The following CHD7 variants were observed in gnomAD, a reference collection of about 807,000 sequenced individuals.
CHD7 encodes ATP-dependent chromatin remodeler CHD7.
A neutral mutation model predicts 307.3 loss-of-function variants in CHD7; 24 were observed. The observed-to-expected ratio is 0.08, with a 90% CI of 0.06 to 0.11. The LOEUF is 0.11. CHD7 is among the 10% of genes least tolerant of loss of function. The pLI is 1.00. For synonymous variants in CHD7, 1,363 were observed against 1,349.9 expected (o/e 1.01, Z -0.21); for missense variants, 3,106 against 3,727.1 (o/e 0.83, Z 4.34).
At chr8:60,838,536 G>T (rs1167136758) in intron 19 of CHD7, among the ~76,000 whole-genome samples, 1 of 152,090 alleles carries the variant, frequency 6.6e-6, no homozygotes, top group Non-Finnish European at 1.5e-5. Flanking sequence ...CTCCACTTCT[G>T]AGATCCTGCT....
intron 7 of CHD7, 115 bp from the exon 8 acceptor site, chr8:60,816,272 A>G (rs1472477633): frequency 1.6e-5 from 10 of 642,322 alleles, no homozygotes; most frequent in Admixed American, 9.2e-5. Context: ...AGCAGCCTTA[A>G]TGGGTAATTA....
chr8:60,704,003 A>G (rs1440109074), intron 1 of CHD7, among the ~76,000 whole-genome samples: 1 of 151,762 alleles, frequency 6.6e-6, no homozygotes, highest in African/African-American at 2.4e-5. Context: ...GCCCAGCTCC[A>G]CTTGTGCCAT....
chr8:60,841,250 C>T (rs945336613), intron 19 of CHD7, among the ~76,000 whole-genome samples: 4 of 152,264 alleles, frequency 2.6e-5, no homozygotes, highest in Non-Finnish European at 5.9e-5. Flanking sequence ...TGCCTTGGCA[C>T]ATGCTCTGCT....
intron 19 of CHD7, among the ~76,000 whole-genome samples, chr8:60,841,305 T>A (rs183155909): frequency 1.3e-5 from 2 of 152,374 alleles, no homozygotes; most frequent in African/African-American, 4.8e-5. Context: ...TGTTTTAGAA[T>A]GGTTCAGGCA....
At chr8:60,715,194 G>A (rs1807528976) in intron 1 of CHD7, among the ~76,000 whole-genome samples, 1 of 152,170 alleles carries the variant, frequency 6.6e-6, no homozygotes, top group South Asian at 2.1e-4. Flanking sequence ...TAACAGCTTT[G>A]GGCTAAACTT....
At chr8:60,697,878 C>T (rs963459611) in intron 1 of CHD7, among the ~76,000 whole-genome samples, 2 of 152,208 alleles carry the variant, frequency 1.3e-5, no homozygotes, top group East Asian at 1.9e-4. Context: ...GTGCACAGCA[C>T]GTAGAGTACA....
intron 3 of CHD7, among the ~76,000 whole-genome samples, chr8:60,783,316 C>A (rs1008014386): frequency 6.6e-6 from 1 of 152,136 alleles, no homozygotes; most frequent in Non-Finnish European, 1.5e-5. Flanking sequence ...TTAAAATTTT[C>A]CCAACAACTG....
At chr8:60,730,300 TGTTAA>T (rs1808376228) in intron 1 of CHD7, among the ~76,000 whole-genome samples, 2 of 152,160 alleles carry the variant, frequency 1.3e-5, no homozygotes, top group Non-Finnish European at 1.5e-5. Flanking sequence ...TGTAGGAAGA[TGTTAA>T]GTTAAATATA....
chr8:60,862,504 G>C, intron 36 of CHD7, 44 bp from the exon 37 acceptor site: 4 of 1,521,888 alleles, frequency 2.6e-6, no homozygotes, highest in Non-Finnish European at 3.6e-6. Context: ...AGAAAGGGGA[G>C]GGAAGACTGT....
chr8:60,762,644 G>A (rs1006761175), intron 2 of CHD7, among the ~76,000 whole-genome samples: 2 of 152,142 alleles, frequency 1.3e-5, no homozygotes, highest in African/African-American at 4.8e-5. Context: ...TACTGCTATC[G>A]ATGCCACATT....
chr8:60,769,521 AG>A (rs1218728238), intron 2 of CHD7, among the ~76,000 whole-genome samples: 1 of 152,210 alleles, frequency 6.6e-6, no homozygotes, highest in East Asian at 1.9e-4. Context: ...GTTTAAAGTT[AG>A]TTAGGTTTTA....
rs2150809564 is a variant in CHD7, at chr8:60,852,885, A to G, written c.6160A>G (p.Thr2054Ala). 6.2e-7 allele frequency: 1 copy of G among 1,613,908 alleles called. No homozygotes were observed. Among genetic ancestry groups the G allele is most frequent in the Non-Finnish European group, 8.5e-7 (1 of 1,179,866 alleles). Residue 2054 changes from threonine to alanine, a missense_variant, in exon 31 of 38, where the codon ACT becomes GCT. Coordinates refer to ENST00000423902, the MANE Select transcript of CHD7 (RefSeq NM_017780.4). ...EPITEERASR[T>A]LYRIELLRKI... is the part of the protein sequence containing the mutation. ...GATCACAGAGGAGCGAGCCTCTCGA[A>G]CTCTGTACCGCATTGAGCTGCTACG... is the stretch of plus-strand genomic sequence containing the variant.
chr8:60,811,050 A>G (rs2150729648), intron 7 of CHD7, among the ~76,000 whole-genome samples: 1 of 152,304 alleles, frequency 6.6e-6, no homozygotes, highest in South Asian at 2.1e-4. Context: ...TCTGAGGTGC[A>G]ACCGTTTCAT....
intron 2 of CHD7, among the ~76,000 whole-genome samples, chr8:60,744,211 G>A (rs1311035894): frequency 1.3e-5 from 2 of 152,168 alleles, no homozygotes; most frequent in East Asian, 3.8e-4. Context: ...GGAATAGGTT[G>A]GAAAGTATCA....
At chr8:60,694,930 A>T (rs1395422024) in intron 1 of CHD7, among the ~76,000 whole-genome samples, 2 of 152,176 alleles carry the variant, frequency 1.3e-5, no homozygotes, top group Non-Finnish European at 2.9e-5. Flanking sequence ...GCAGCATGTG[A>T]TGGATTGCGG....
At chr8:60,713,826 T>G (rs1322690917) in intron 1 of CHD7, among the ~76,000 whole-genome samples, 1 of 152,148 alleles carries the variant, frequency 6.6e-6, no homozygotes, top group Non-Finnish European at 1.5e-5. Context: ...ACTTCTCAGC[T>G]TAACATCTTA....
intron 7 of CHD7, chr8:60,808,757 T>C (rs960346432): frequency 1.3e-5 from 2 of 153,890 alleles, no homozygotes; most frequent in African/African-American, 4.8e-5. Context: ...ATTTATTTAG[T>C]AGATTTGAAT....
In CHD7 at chr8:60,865,035, T is replaced by A; in HGVS notation, c.8096T>A (p.Met2699Lys). ...CTCCAGGGTTTTGTTCCTGAGTCGA[T>A]GTTTGACCGCCTTCTCACTGGGCCT... Reference protein sequence around the residue: ...VKQSGFVPESMFDRLLTGPVV... With the variant: ...VKQSGFVPESKFDRLLTGPVV... The change falls in exon 38 of 38, where the codon ATG (methionine) becomes AAG (lysine). Residue 2699 changes from methionine (M) to lysine (K), a missense_variant. Physicochemically the swap from Met to Lys is moderately conservative, Grantham distance 95 (BLOSUM62 -1). Transcript: ENST00000423902. The surrounding 1 kb of genome is among the most constrained non-coding windows in gnomAD (Gnocchi z 4.3). The A allele has an allele frequency of 1.9e-6, 3 of 1,603,134 alleles. No individual in the cohort carries two copies. Among genetic ancestry groups the A allele is most frequent in the Non-Finnish European group, 2.6e-6 (3 of 1,174,254 alleles).
At chr8:60,682,136 A>G (rs1805661550) in intron 1 of CHD7, among the ~76,000 whole-genome samples, 2 of 152,254 alleles carry the variant, frequency 1.3e-5, no homozygotes, top group African/African-American at 2.4e-5. Context: ...AGTCAAATTT[A>G]TAACAACGTA....
Sources: gnomAD v4.1 joint callset for allele counts (sites outside exome capture counted in the v4.1 genomes callset) on GRCh38, gnomAD v4.1.1 for gene constraint, Gnocchi (gnomAD v3.1) non-coding constraint, MANE v1.5 for transcripts, NCBI Gene and HGNC (gene_info 2026-07-23, HGNC 2026-07-21) for gene names.